The following CEND1 variants were observed in gnomAD, a reference collection of about 807,000 sequenced individuals.
CEND1 encodes the protein cell cycle exit and neuronal differentiation protein 1.
CEND1 carries 1 observed loss-of-function variant against 4.4 expected under a neutral mutation model. That is an observed-to-expected ratio of 0.23 (90% CI 0.08 to 1.09). The LOEUF (loss-of-function observed/expected upper bound fraction) is 1.09, where lower values mean the gene tolerates loss of function less well. Ranked by LOEUF, CEND1 falls within the 50% of genes least tolerant of loss-of-function variation. The pLI, the probability that CEND1 is intolerant of heterozygous loss-of-function variation, is 0.55. For missense variants in CEND1, 213 were observed against 201.2 expected, an observed-to-expected ratio of 1.06 and a Z score of -0.35; for synonymous variants, 109 against 93.0, an observed-to-expected ratio of 1.17 and a Z score of -0.99.
Position 788,021 on chromosome 11 carries a change from A to G in CEND1, c.*106T>C. On this transcript the variant is annotated 3_prime_UTR_variant, in exon 2 of 2. Transcript: ENST00000330106. ...GTGTTGGGGGCGTATGTAGGTGTGTAATGAATGTGCGTGTGTACGAATAGG... is the reference window on the plus strand; with the variant it reads ...GTGTTGGGGGCGTATGTAGGTGTGTGATGAATGTGCGTGTGTACGAATAGG... 1 of 883,390 alleles carries G rather than the reference A, an allele frequency of 1.1e-6. No homozygotes were observed. The highest frequency in any genetic ancestry group is 1.6e-6 in the Non-Finnish European group (1 of 615,918). 54.7% of individuals were successfully genotyped at this position (883,390 alleles called of 1,614,324 possible).
rs1253657429 is a variant in CEND1, at chr11:788,352, G to T, written c.225C>A (p.His75Gln). ...CCGTGGGGGCTGGCTTCAGGTTGCT[G>T]TGGTTGTTGAGAAGGGCAGGGTCGG... ...AKADPALLNN[H>Q]SNLKPAPTVP... Residue 75 changes from histidine (H) to glutamine (Q), a missense_variant, in exon 2 of 2, where the codon CAC becomes CAA. Physicochemically the swap from His to Gln is conservative, Grantham distance 24 (BLOSUM62 0). Coordinates refer to ENST00000330106, the MANE Select transcript of CEND1 (RefSeq NM_016564.4). 2 of 1,603,008 alleles carry T rather than the reference G, an allele frequency of 1.2e-6. No homozygotes were observed. The highest frequency in any genetic ancestry group is 1.7e-5 in the Admixed American group (1 of 59,118).
At position 788,659 on chromosome 11, in the gene CEND1, C is replaced by A. The variant is rs1301075731; in HGVS notation, c.-82-1G>T. 24 of 1,336,012 alleles carry A rather than the reference C, an allele frequency of 1.8e-5. No individual in the cohort carries two copies. In the East Asian group the frequency reaches 5.7e-4, roughly 32 times the overall value. 82.8% of individuals were successfully genotyped at this position (1,336,012 alleles called of 1,614,324 possible). ...TGTCGCCCCTGGGCATTCTATGGGCCTGGAGGGAGACACAAGGGAGGCTGC... is the reference window on the plus strand; with the variant it reads ...TGTCGCCCCTGGGCATTCTATGGGCATGGAGGGAGACACAAGGGAGGCTGC... On this transcript the variant is annotated splice_acceptor_variant, in intron 1 of 1. Transcript: ENST00000330106. LOFTEE classifies it low-confidence loss of function (5UTR_SPLICE).
In CEND1 at chr11:788,879, G is replaced by A. The variant is rs142643753; in HGVS notation, c.-82-221C>T. Among the ~76,000 whole-genome samples, 184 of 152,252 alleles carry A rather than the reference G, an allele frequency of 1.2e-3. 3 individuals are homozygous for A. In the East Asian group the frequency reaches 0.03, roughly 25 times the overall value. ...CTCCAGCCGCAGAGGCAAGGGCCAC[G>A]CACAGGTGGGAGGAGGTAGGGGACC... On this transcript the variant is annotated intron_variant, in intron 1 of 1. Coordinates refer to ENST00000330106, the MANE Select transcript of CEND1 (RefSeq NM_016564.4).
At position 788,564 on chromosome 11, in the gene CEND1, C is replaced by T. The variant is rs770756917; in HGVS notation, c.13G>A (p.Gly5Arg). 4 of 1,516,854 alleles carry T rather than the reference C, an allele frequency of 2.6e-6. No homozygotes were observed. In the African/African-American group the frequency reaches 5.6e-5, roughly 21 times the overall value. 94.0% of individuals were successfully genotyped at this position (1,516,854 alleles called of 1,614,324 possible). MESR[G>R]KSASSPKPDT... The stretch of plus-strand genomic sequence containing the variant: ...GGCTTGGGGCTGCTGGCTGACTTCC[C>T]TCTGGACTCCATGGTGGGCGGGGCG... Residue 5 changes from glycine (G) to arginine (R), a missense_variant, in exon 2 of 2, where the codon GGG becomes AGG. Physicochemically the swap from Gly to Arg is moderately radical, Grantham distance 125. Coordinates refer to ENST00000330106, the MANE Select transcript of CEND1 (RefSeq NM_016564.4).
chr11:788,334 G>T lies in CEND1; in HGVS notation c.243C>A (p.Ala81=). Residue 81 remains alanine, a synonymous_variant, in exon 2 of 2, where the codon GCC becomes GCA. Coordinates refer to ENST00000330106, the MANE Select transcript of CEND1 (RefSeq NM_016564.4). ...CATCGGGACTGCTGGGGACCGTGGG[G>T]GCTGGCTTCAGGTTGCTGTGGTTGT... is the stretch of plus-strand genomic sequence containing the variant. ...LLNNHSNLKP[A]PTVPSSPDAT... 6.2e-7 allele frequency: 1 copy of T among 1,605,740 alleles called. No homozygotes were observed.
chr11:789,904 A>G (rs1864424798), intron 1 of CEND1, 126 bp downstream of exon 1: 1 of 152,696 alleles, frequency 6.5e-6, no homozygotes, highest in Admixed American at 6.5e-5. Context: ...GGATCAACTG[A>G]GCCCTGGAGA....
rs1864381716 is a variant in CEND1 at position 788,124 on chromosome 11, G to T, written c.*3C>A. On this transcript the variant is annotated 3_prime_UTR_variant, in exon 2 of 2. Coordinates refer to ENST00000330106, the MANE Select transcript of CEND1 (RefSeq NM_016564.4). ...TCCGTGCCCCCCGCCTGGCCCCCAGGTATTATTTTTTCCGGACCAGGAAGG... is the reference window on the plus strand; with the variant it reads ...TCCGTGCCCCCCGCCTGGCCCCCAGTTATTATTTTTTCCGGACCAGGAAGG... 3.9e-6 allele frequency: 6 copies of T among 1,550,000 alleles called. No homozygotes were observed. The highest frequency in any genetic ancestry group is 5.2e-6 in the Non-Finnish European group (6 of 1,155,936).
Position 788,407 on chromosome 11 carries a change from G to C in CEND1, c.170C>G (p.Thr57Arg), listed in dbSNP as rs200757879. 2 of 1,590,996 alleles carry C rather than the reference G, an allele frequency of 1.3e-6. No individual in the cohort carries two copies. The highest frequency in any genetic ancestry group is 2.3e-5 in the East Asian group (1 of 44,434). The change falls in exon 2 of 2, where the codon ACG becomes AGG. Residue 57 changes from threonine (T) to arginine (R), a missense_variant. Physicochemically the swap from Thr to Arg is moderately conservative, Grantham distance 71 (BLOSUM62 -1). Coordinates refer to ENST00000330106, the MANE Select transcript of CEND1 (RefSeq NM_016564.4). Reference protein sequence around the residue: ...EKQQPPAAPTTAPAKKTSAKA... With the variant: ...EKQQPPAAPTRAPAKKTSAKA... ...GGCCGAGGTCTTCTTGGCAGGTGCC[G>C]TGGTGGGGGCTGCTGGCGGCTGCTG...
At chr11:789,664 C>T (rs2133687705) in intron 1 of CEND1, among the ~76,000 whole-genome samples, 1 of 152,168 alleles carries the variant, frequency 6.6e-6, no homozygotes, top group Admixed American at 6.5e-5. Context: ...CCACCCCCCG[C>T]CAGGTGCATT....
Position 788,657 on chromosome 11 carries a change from GC to G in CEND1, c.-82del, listed in dbSNP as rs1864392606. The stretch of plus-strand genomic sequence containing the variant: ...TTTGTCGCCCCTGGGCATTCTATGG[GC>G]CTGGAGGGAGACACAAGGGAGGCTG... On this transcript the variant is annotated splice_region_variant and 5_prime_UTR_variant, in exon 2 of 2. Coordinates refer to ENST00000330106, the MANE Select transcript of CEND1 (RefSeq NM_016564.4). 1 of 1,347,194 alleles carries G rather than the reference GC, an allele frequency of 7.4e-7. No individual in the cohort carries two copies. Among genetic ancestry groups the G allele is most frequent in the Non-Finnish European group, 9.8e-7 (1 of 1,015,626 alleles). 83.5% of individuals were successfully genotyped at this position (1,347,194 alleles called of 1,614,324 possible). A position where few individuals can be genotyped will look rare whatever the true frequency, so the allele number is the denominator to read the frequency against.
intron 1 of CEND1, among the ~76,000 whole-genome samples, 184 bp from the exon 2 acceptor site, chr11:788,842 C>G (rs918667811): frequency 6.6e-6 from 1 of 152,202 alleles, no homozygotes; most frequent in Non-Finnish European, 1.5e-5. Context: ...ATGACCACTC[C>G]TCAAGGGGCC....
chr11:788,966 AG>A (rs1169746151), intron 1 of CEND1, among the ~76,000 whole-genome samples: 1 of 152,168 alleles, frequency 6.6e-6, no homozygotes, highest in Non-Finnish European at 1.5e-5. Flanking sequence ...CGGGGGCAGG[AG>A]GCTCTTGGTG....
chr11:788,412 G>C lies in CEND1; in HGVS notation c.165C>G (p.Pro55=), dbSNP rs774291334. Residue 55 remains proline (P), a synonymous_variant, in exon 2 of 2, where the codon CCC becomes CCG. Transcript: ENST00000330106. ...AGGTCTTCTTGGCAGGTGCCGTGGTGGGGGCTGCTGGCGGCTGCTGCTTCT... is the reference window on the plus strand; with the variant it reads ...AGGTCTTCTTGGCAGGTGCCGTGGTCGGGGCTGCTGGCGGCTGCTGCTTCT... ...PAEKQQPPAA[P]TTAPAKKTSA... The C allele has an allele frequency of 1.1e-5, 17 of 1,587,514 alleles. No homozygotes were observed. The highest frequency in any genetic ancestry group is 8.8e-5 in the Admixed American group (5 of 56,590).
intron 1 of CEND1, 121 bp downstream of exon 1, chr11:789,909 T>TGGAGA (rs1864424908): frequency 6.5e-6 from 1 of 152,902 alleles, no homozygotes; most frequent in South Asian, 1.8e-4. Context: ...AACTGAGCCC[T>TGGAGA]GGAGAACTGG....
rs1864431210 is a variant in CEND1 at position 790,033 on chromosome 11, T to C, written c.-86A>G. The stretch of plus-strand genomic sequence containing the variant: ...CGCCGGGAGCCCCCCGCCTTACGCG[T>C]CCTCCGGCCTCCCCGGGGCTGCGCG... On this transcript the variant is annotated 5_prime_UTR_variant, in exon 1 of 2. Transcript: ENST00000330106. 6.6e-6 allele frequency: 1 copy of C among 152,270 alleles called. No individual in the cohort carries two copies. Among genetic ancestry groups the C allele is most frequent in the Non-Finnish European group, 1.5e-5 (1 of 67,846 alleles). The allele number at this position is 152,270 out of a possible 1,614,324, so 9.4% of individuals were successfully genotyped here.
Position 787,169 on chromosome 11 carries a change from G to A in CEND1, c.*958C>T, listed in dbSNP as rs1180646524. 1 of 152,424 alleles carries A rather than the reference G, an allele frequency of 6.6e-6. No homozygotes were observed. Among genetic ancestry groups the A allele is most frequent in the Non-Finnish European group, 1.5e-5 (1 of 68,076 alleles). The allele number at this position is 152,424 out of a possible 1,614,324, so 9.4% of individuals were successfully genotyped here. ...GCCTCCACTCAGGCCCGGGGTTCCT[G>A]TGGCCACTGGCCAGTGAGGGCAGGC... On this transcript the variant is annotated 3_prime_UTR_variant, in exon 2 of 2. Transcript: ENST00000330106.
At position 788,266 on chromosome 11, in the gene CEND1, T is replaced by C; in HGVS notation, c.311A>G (p.Asp104Gly). 3 of 1,612,438 alleles carry C rather than the reference T, an allele frequency of 1.9e-6. No individual in the cohort carries two copies. In the South Asian group the frequency reaches 3.3e-5, roughly 18 times the overall value. Reference protein sequence around the residue: ...PKGPGDGAEEDEAASGGPGGR... With the variant: ...PKGPGDGAEEGEAASGGPGGR... ...CCCAGGCCCCCCACTGGCAGCCTCATCTTCCTCCGCCCCGTCCCCAGGACC... is the reference window on the plus strand; with the variant it reads ...CCCAGGCCCCCCACTGGCAGCCTCACCTTCCTCCGCCCCGTCCCCAGGACC... The change falls in exon 2 of 2, where the codon GAT (aspartate) becomes GGT (glycine). Residue 104 changes from aspartate (D) to glycine (G), a missense_variant. Transcript: ENST00000330106.
rs1208597558 is a variant in CEND1 at position 788,205 on chromosome 11, G to T, written c.372C>A (p.Pro124=). Residue 124 remains proline, a synonymous_variant, in exon 2 of 2, where the codon CCC becomes CCA. Coordinates refer to ENST00000330106, the MANE Select transcript of CEND1 (RefSeq NM_016564.4). ...RGPWSCENFN[P]LLVAGGVAVA... ...CGGCCACACCCCCAGCCACCAGCAG[G>T]GGGTTGAAGTTCTCACAGGACCAGG... 4 of 1,609,926 alleles carry T rather than the reference G, an allele frequency of 2.5e-6. No homozygotes were observed. In the South Asian group the frequency reaches 4.4e-5, roughly 18 times the overall value.
intron 1 of CEND1, among the ~76,000 whole-genome samples, chr11:789,041 C>T (rs533085890): frequency 6.6e-6 from 1 of 152,280 alleles, no homozygotes; most frequent in East Asian, 1.9e-4. Flanking sequence ...AGGAGGTGAT[C>T]GGAGCCCCAG....
Sources: allele counts gnomAD v4.1 joint callset (sites outside exome capture counted in the v4.1 genomes callset), GRCh38; gene constraint gnomAD v4.1.1; transcripts MANE v1.5; gene names NCBI Gene and HGNC (gene_info 2026-07-23, HGNC 2026-07-21).